Variants in EPS8 observed in about 807,000 individuals in gnomAD.
EPS8 encodes the protein EGFR pathway substrate 8, signaling adaptor.
A neutral mutation model predicts 103.8 loss-of-function variants in EPS8; 42 were observed. The ratio of observed to expected loss-of-function variants is 0.40; its 90% CI spans 0.32 to 0.52. The LOEUF (loss-of-function observed/expected upper bound fraction) is 0.52, where lower values mean the gene tolerates loss of function less well. Ranked by LOEUF, EPS8 falls within the 20% of genes least tolerant of loss-of-function variation. The pLI, the probability that EPS8 is intolerant of heterozygous loss-of-function variation, is 0.40. For missense variants in EPS8, 969 were observed against 1,005.1 expected (o/e 0.96, Z 0.49); for synonymous variants, 344 against 344.6 (o/e 1.00, Z 0.02).
rs920510084 is a variant in EPS8, at chr12:15,771,574, G to A, written c.-22+17587C>T. On this transcript the variant is annotated intron_variant, in intron 1 of 20. Coordinates refer to ENST00000281172, the MANE Select transcript of EPS8 (RefSeq NM_004447.6). The surrounding 1 kb of genome is among the most constrained non-coding windows in gnomAD (Gnocchi z 4.6). ...CAAAGGCGAGGGTTAACTTTAATGT[G>A]AAAGCAGCAAAATCTGGCAATCAGT... is the stretch of plus-strand genomic sequence containing the variant. Among the ~76,000 whole-genome samples, 1 of 152,122 alleles carries A rather than the reference G, an allele frequency of 6.6e-6. No individual in the cohort carries two copies. The highest frequency in any genetic ancestry group is 2.4e-5 in the African/African-American group (1 of 41,434).
At position 15,681,274 on chromosome 12, in the gene EPS8, G is replaced by C; in HGVS notation, c.88C>G (p.Gln30Glu). ...NGYGSSPTFS[Q>E]TDREHGSKTS... ...TTTGAACCATGTTCTCTGTCCGTCTGGGAAAAGGTAGGTGATGATCCGTAG... is the reference window on the plus strand; with the variant it reads ...TTTGAACCATGTTCTCTGTCCGTCTCGGAAAAGGTAGGTGATGATCCGTAG... The change falls in exon 3 of 21, where the codon CAG (glutamine) becomes GAG (glutamate). Residue 30 changes from glutamine to glutamate, a missense_variant. Physicochemically the swap from Gln to Glu is conservative, Grantham distance 29. Coordinates refer to ENST00000281172, the MANE Select transcript of EPS8 (RefSeq NM_004447.6). 2 of 1,549,564 alleles carry C rather than the reference G, an allele frequency of 1.3e-6. No individual in the cohort carries two copies. Among genetic ancestry groups the C allele is most frequent in the Non-Finnish European group, 8.8e-7 (1 of 1,139,742 alleles).
Position 15,721,454 on chromosome 12 carries a change from C to G in EPS8, c.-21-38482G>C, listed in dbSNP as rs1004776941. Among the ~76,000 whole-genome samples, 1 of 152,110 alleles carries G rather than the reference C, an allele frequency of 6.6e-6. No individual in the cohort carries two copies. The highest frequency in any genetic ancestry group is 1.5e-5 in the Non-Finnish European group (1 of 68,024). ...ACTACATAATACTCAGCTAAAAGAA[C>G]GAGGTTTGTGGGGCTCAACAAAAAA... On this transcript the variant is annotated intron_variant, in intron 1 of 20. Transcript: ENST00000281172. The surrounding 1 kb of genome is among the most constrained non-coding windows in gnomAD (Gnocchi z 4.4).
Position 15,771,804 on chromosome 12 carries a change from C to A in EPS8, c.-22+17357G>T, listed in dbSNP as rs1209789017. On this transcript the variant is annotated intron_variant, in intron 1 of 20. Transcript: ENST00000281172. This position sits in a 1 kb window ranked among gnomAD's most constrained non-coding sequence, Gnocchi z 4.6. ...ACTCATTACAAAGAATTCTTTGTGG[C>A]AGTATTGAGAGCTAATTTCAATACA... Among the ~76,000 whole-genome samples the A allele has an allele frequency of 2.0e-5, 3 of 151,906 alleles. No individual in the cohort carries two copies. Among genetic ancestry groups the A allele is most frequent in the Non-Finnish European group, 4.4e-5 (3 of 67,970 alleles).
Position 15,747,851 on chromosome 12 carries a change from T to C in EPS8, c.-22+41310A>G, listed in dbSNP as rs571047571. 3.9e-5 allele frequency among the ~76,000 whole-genome samples: 6 copies of C among 152,146 alleles called. No individual in the cohort carries two copies. The South Asian group carries it at 1.2e-3, about 32-fold the overall frequency. The stretch of plus-strand genomic sequence containing the variant: ...CTGGCTAACACGGTGAAACCCCGTC[T>C]CTACTAAAAATACAAAGAATTAGCC... On this transcript the variant is annotated intron_variant, in intron 1 of 20. Transcript: ENST00000281172. The surrounding 1 kb of genome is among the most constrained non-coding windows in gnomAD (Gnocchi z 4.4).
Position 15,759,980 on chromosome 12 carries a change from G to C in EPS8, c.-22+29181C>G, listed in dbSNP as rs115366049. On this transcript the variant is annotated intron_variant, in intron 1 of 20. Coordinates refer to ENST00000281172, the MANE Select transcript of EPS8 (RefSeq NM_004447.6). This position sits in a 1 kb window ranked among gnomAD's most constrained non-coding sequence, Gnocchi z 4.9. The stretch of plus-strand genomic sequence containing the variant: ...GATAAAGATCAGAGCAGAAATAAGA[G>C]AAATTAAAAAGAAGAAAATATAAAA... Among the ~76,000 whole-genome samples, 1,395 of 151,568 alleles carry C rather than the reference G, an allele frequency of 9.2e-3. 26 individuals carry two copies. Among genetic ancestry groups the C allele is most frequent in the African/African-American group, 0.031 (1,291 of 41,396 alleles).
chr12:15,697,406 G>A lies in EPS8; in HGVS notation c.-21-14434C>T, dbSNP rs997864564. ...AAGAGGCAGAACAGCAGCAGCAGCG[G>A]CAATGGCTCACATCTAGAAAACACG... is the stretch of plus-strand genomic sequence containing the variant. On this transcript the variant is annotated intron_variant, in intron 1 of 20. Transcript: ENST00000281172. The surrounding 1 kb of genome is among the most constrained non-coding windows in gnomAD (Gnocchi z 5.6). Among the ~76,000 whole-genome samples, 1 of 152,222 alleles carries A rather than the reference G, an allele frequency of 6.6e-6. No homozygotes were observed. Among genetic ancestry groups the A allele is most frequent in the African/African-American group, 2.4e-5 (1 of 41,460 alleles).
chr12:15,675,118 TG>T (rs967850953), intron 3 of EPS8, among the ~76,000 whole-genome samples: 2 of 152,206 alleles, frequency 1.3e-5, no homozygotes, highest in African/African-American at 4.8e-5. Context: ...ACAAAAGAGT[TG>T]AATCAAGCAC....
rs377290447 is a variant in EPS8 at position 15,737,777 on chromosome 12, G to C, written c.-22+51384C>G. Among the ~76,000 whole-genome samples the C allele has an allele frequency of 3.3e-5, 5 of 152,174 alleles. No individual in the cohort carries two copies. In the East Asian group the frequency reaches 7.7e-4, roughly 23 times the overall value. ...AATATAGTTCTCAAAGCATATCCTAGTGACTTTTTTTTAAATATTATTAAA... is the reference window on the plus strand; with the variant it reads ...AATATAGTTCTCAAAGCATATCCTACTGACTTTTTTTTAAATATTATTAAA... On this transcript the variant is annotated intron_variant, in intron 1 of 20. Transcript: ENST00000281172.
At chr12:15,621,479 G>T in intron 20 of EPS8, 49 bp from the exon 21 acceptor site, 1 of 1,031,578 alleles carries the variant, frequency 9.7e-7, no homozygotes, top group South Asian at 1.5e-5. Context: ...TGTGCAGGCT[G>T]CAGGTCATAT....
intron 15 of EPS8, among the ~76,000 whole-genome samples, chr12:15,644,940 C>A (rs1945295761): frequency 6.6e-6 from 1 of 152,118 alleles, no homozygotes. Context: ...ATCCTAGCTC[C>A]TATTAAGTCC....
At chr12:15,634,697 T>C (rs1001987574) in intron 17 of EPS8, 2 of 398,588 alleles carry the variant, frequency 5.0e-6, no homozygotes, top group African/African-American at 4.1e-5. Flanking sequence ...TCCAAAAAAT[T>C]ATATTAAAAA....
At chr12:15,625,983 A>AAATATAGCATGCCC (rs1244999643) in intron 18 of EPS8, among the ~76,000 whole-genome samples, 1 of 152,184 alleles carries the variant, frequency 6.6e-6, no homozygotes, top group Non-Finnish European at 1.5e-5. Flanking sequence ...AATGCATGTC[A>AAATATAGCATGCCC]AATATAGCAT....
intron 1 of EPS8, among the ~76,000 whole-genome samples, chr12:15,726,953 T>C (rs1426750160): frequency 6.6e-6 from 1 of 152,142 alleles, no homozygotes; most frequent in Non-Finnish European, 1.5e-5. Context: ...AAGTTATGAG[T>C]TGGAAAAGAC....
rs2136058466 is a variant in EPS8, at chr12:15,784,089, GCC to G, written c.-22+5070_-22+5071del. Among the ~76,000 whole-genome samples, 2 of 152,176 alleles carry G rather than the reference GCC, an allele frequency of 1.3e-5. No individual in the cohort carries two copies. Among genetic ancestry groups the G allele is most frequent in the South Asian group, 4.1e-4 (2 of 4,832 alleles). On this transcript the variant is annotated intron_variant, in intron 1 of 20. Coordinates refer to ENST00000281172, the MANE Select transcript of EPS8 (RefSeq NM_004447.6). This position sits in a 1 kb window ranked among gnomAD's most constrained non-coding sequence, Gnocchi z 4.0. ...AAAAACACAGGATAAAATCTATGTAGCCTTGGCAATGAGTTTTCAAATATAAC... is the reference window on the plus strand; with the variant it reads ...AAAAACACAGGATAAAATCTATGTAGTTGGCAATGAGTTTTCAAATATAAC...
chr12:15,760,915 A>G lies in EPS8; in HGVS notation c.-22+28246T>C, dbSNP rs147673142. On this transcript the variant is annotated intron_variant, in intron 1 of 20. Coordinates refer to ENST00000281172, the MANE Select transcript of EPS8 (RefSeq NM_004447.6). This position sits in a 1 kb window ranked among gnomAD's most constrained non-coding sequence, Gnocchi z 4.5. ...CACAGGAAGTATGCCCACTTTCACC[A>G]TTATTATTCAATGCAGTACTCCTAG... Among the ~76,000 whole-genome samples, 263 of 152,188 alleles carry G rather than the reference A, an allele frequency of 1.7e-3. 2 individuals are homozygous for G. The highest frequency in any genetic ancestry group is 6.8e-3 in the Middle Eastern group (2 of 294).
intron 18 of EPS8, among the ~76,000 whole-genome samples, chr12:15,628,604 G>A (rs1455451093): frequency 6.6e-6 from 1 of 152,198 alleles, no homozygotes; most frequent in African/African-American, 2.4e-5. Flanking sequence ...AGCCTGAATA[G>A]CTTCTATGAC....
At chr12:15,642,655 T>A (rs1179950684) in intron 15 of EPS8, among the ~76,000 whole-genome samples, 1 of 152,182 alleles carries the variant, frequency 6.6e-6, no homozygotes, top group Non-Finnish European at 1.5e-5. Context: ...TACTCCCTAG[T>A]CTTCTCCTCC....
chr12:15,690,191 T>G lies in EPS8; in HGVS notation c.-21-7219A>C, dbSNP rs1171043062. On this transcript the variant is annotated intron_variant, in intron 1 of 20. Transcript: ENST00000281172. This position sits in a 1 kb window ranked among gnomAD's most constrained non-coding sequence, Gnocchi z 4.7. ...TTAAGAGGATCAATCTTTTCTAAAGTGTACAATATATCTTTATAAATGCTT... is the reference window on the plus strand; with the variant it reads ...TTAAGAGGATCAATCTTTTCTAAAGGGTACAATATATCTTTATAAATGCTT... 1.3e-5 allele frequency among the ~76,000 whole-genome samples: 2 copies of G among 152,182 alleles called. No homozygotes were observed. The highest frequency in any genetic ancestry group is 4.8e-5 in the African/African-American group (2 of 41,446).
intron 1 of EPS8, among the ~76,000 whole-genome samples, chr12:15,746,135 T>C (rs1475956651): frequency 6.6e-6 from 1 of 152,208 alleles, no homozygotes; most frequent in Non-Finnish European, 1.5e-5. Context: ...ATGCATCTAA[T>C]AGAGAACTAA....
Sources: allele counts gnomAD v4.1 joint callset (sites outside exome capture counted in the v4.1 genomes callset), GRCh38; gene constraint gnomAD v4.1.1; non-coding constraint Gnocchi (gnomAD v3.1); transcripts MANE v1.5; gene names NCBI Gene and HGNC (gene_info 2026-07-23, HGNC 2026-07-21).